ATG5: variants seen among roughly 807,000 people sequenced by gnomAD.
ATG5 encodes autophagy related 5, also known as autophagy protein 5.
ATG5 carries 14 observed loss-of-function variants against 36.5 expected under a neutral mutation model. The observed-to-expected ratio is 0.38, with a 90% confidence interval of 0.25 to 0.60. The LOEUF (loss-of-function observed/expected upper bound fraction) is 0.60. Among genes scored for constraint, ATG5 ranks in the 20% least tolerant of loss-of-function variants. ATG5 has a pLI of 0.60. For missense variants in ATG5, 195 were observed against 326.7 expected, an observed-to-expected ratio of 0.60 and a Z score of 3.11; for synonymous variants, 95 against 101.5, an observed-to-expected ratio of 0.94 and a Z score of 0.38.
At chr6:106,324,419 T>C (rs1210197239) in intron 1 of ATG5, among the ~76,000 whole-genome samples, 1 of 152,212 alleles carries the variant, frequency 6.6e-6, no homozygotes, top group African/African-American at 2.4e-5. Context: ...AGGGAGGTCC[T>C]GGAACCAATC....
Position 106,204,000 on chromosome 6 carries a change from TCTCA to T in ATG5, c.574-1915_574-1912del, listed in dbSNP as rs1273809586. Among the ~76,000 whole-genome samples, 3 of 152,204 alleles carry T rather than the reference TCTCA, an allele frequency of 2.0e-5. No individual in the cohort carries two copies. The East Asian group carries it at 5.8e-4, about 29-fold the overall frequency. The stretch of plus-strand genomic sequence containing the variant: ...GAACAGAAAACCAAACACCTCATGT[TCTCA>T]CTCACAACTGGGAGCTGAACAACGA... On this transcript the variant is annotated intron_variant, in intron 6 of 7. Transcript: ENST00000369076.
intron 5 of ATG5, among the ~76,000 whole-genome samples, chr6:106,268,551 A>G (rs1021781914): frequency 2.6e-5 from 4 of 152,234 alleles, no homozygotes; most frequent in Non-Finnish European, 4.4e-5. Context: ...ATTATAAATC[A>G]TTCTACTATA....
At chr6:106,287,003 C>T (rs1780106546) in intron 4 of ATG5, among the ~76,000 whole-genome samples, 1 of 152,198 alleles carries the variant, frequency 6.6e-6, no homozygotes, top group African/African-American at 2.4e-5. Flanking sequence ...CAGAAACTGT[C>T]AGAGAACAAA....
intron 5 of ATG5, among the ~76,000 whole-genome samples, chr6:106,266,484 C>A (rs565638890): frequency 6.7e-6 from 1 of 149,224 alleles, no homozygotes; most frequent in Admixed American, 6.6e-5. Flanking sequence ...GGGACTCCTC[C>A]CTAACTCATT....
intron 7 of ATG5, among the ~76,000 whole-genome samples, chr6:106,201,354 T>G (rs980405474): frequency 6.6e-6 from 1 of 152,060 alleles, no homozygotes; most frequent in Non-Finnish European, 1.5e-5. Context: ...AGTTTTATTG[T>G]TTTCTGCATT....
At chr6:106,203,413 G>A (rs900925330) in intron 6 of ATG5, among the ~76,000 whole-genome samples, 4 of 152,072 alleles carry the variant, frequency 2.6e-5, no homozygotes, top group Non-Finnish European at 5.9e-5. Context: ...TATCTCTTGA[G>A]TTTGTTGTGG....
At chr6:106,272,473 T>C (rs1018771689) in intron 5 of ATG5, among the ~76,000 whole-genome samples, 4 of 152,226 alleles carry the variant, frequency 2.6e-5, no homozygotes, top group Non-Finnish European at 4.4e-5. Context: ...TCTCAGAACT[T>C]AGTAGGCTCT....
intron 1 of ATG5, among the ~76,000 whole-genome samples, chr6:106,322,888 T>C (rs551273472): frequency 2.0e-4 from 30 of 152,298 alleles, no homozygotes; most frequent in African/African-American, 7.2e-4. Context: ...CGGAAAACCA[T>C]TTCAGATCTT....
At chr6:106,280,274 CAAA>C (rs71793771) in intron 4 of ATG5, among the ~76,000 whole-genome samples, 3 of 87,328 alleles carry the variant, frequency 3.4e-5, no homozygotes, top group Admixed American at 1.3e-4. Context: ...AGTATTATGT[CAAA>C]AAAAAAAAAA....
intron 1 of ATG5, among the ~76,000 whole-genome samples, chr6:106,318,190 G>A (rs1265769177): frequency 1.3e-5 from 2 of 152,128 alleles, no homozygotes; most frequent in Admixed American, 6.5e-5. Flanking sequence ...TCTCAAGGAG[G>A]AATAGTAATC....
At chr6:106,255,741 A>C (rs1778775274) in intron 5 of ATG5, among the ~76,000 whole-genome samples, 1 of 152,192 alleles carries the variant, frequency 6.6e-6, no homozygotes, top group African/African-American at 2.4e-5. Context: ...CTTATATTAA[A>C]ATTTCTAATA....
chr6:106,279,406 T>C (rs994785715), intron 5 of ATG5, among the ~76,000 whole-genome samples: 2 of 152,164 alleles, frequency 1.3e-5, no homozygotes, highest in East Asian at 1.9e-4. Flanking sequence ...TCAGAAGCTA[T>C]ACCCAAGTTT....
chr6:106,316,065 G>A, intron 2 of ATG5, 36 bp downstream of exon 2: 1 of 1,527,852 alleles, frequency 6.5e-7, no homozygotes, highest in South Asian at 1.2e-5. Context: ...AATGGACAAG[G>A]TTAAATATCC....
intron 3 of ATG5, chr6:106,304,109 G>A (rs1243218328): frequency 1.3e-5 from 2 of 152,052 alleles, no homozygotes; most frequent in Non-Finnish European, 2.9e-5. Flanking sequence ...GAACTAGTGT[G>A]TGAGTTCAGC....
intron 3 of ATG5, among the ~76,000 whole-genome samples, chr6:106,295,873 C>CT (rs928786320): frequency 2.0e-5 from 3 of 152,098 alleles, no homozygotes; most frequent in Non-Finnish European, 4.4e-5. Context: ...CCAAATAACT[C>CT]TTTAAGGAAA....
chr6:106,234,296 G>T (rs1777806781), intron 6 of ATG5, among the ~76,000 whole-genome samples: 1 of 152,140 alleles, frequency 6.6e-6, no homozygotes, highest in South Asian at 2.1e-4. Context: ...TGGGCTCCAT[G>T]AGGTCTCGGC....
chr6:106,284,889 T>C (rs374983114), intron 4 of ATG5, among the ~76,000 whole-genome samples: 1 of 152,192 alleles, frequency 6.6e-6, no homozygotes, highest in Non-Finnish European at 1.5e-5. Flanking sequence ...ATTCCGTATA[T>C]TAAACTGTTA....
chr6:106,191,495 G>A lies in ATG5; in HGVS notation c.692-4819C>T, dbSNP rs1014120921. 2.6e-5 allele frequency among the ~76,000 whole-genome samples: 4 copies of A among 152,238 alleles called. No homozygotes were observed. The East Asian group carries it at 7.7e-4, about 29-fold the overall frequency. ...TAAACAGCAAAATATTTCTTTCAGA[G>A]TGTAAACCATCATAATTTATTAGTT... On this transcript the variant is annotated intron_variant, in intron 7 of 7. Transcript: ENST00000369076.
chr6:106,230,723 T>A (rs1484393636), intron 6 of ATG5, among the ~76,000 whole-genome samples: 1 of 152,042 alleles, frequency 6.6e-6, no homozygotes, highest in Non-Finnish European at 1.5e-5. Context: ...TGGGACCAAT[T>A]TGACTCTCAG....
Sources: gnomAD v4.1 joint callset for allele counts (sites outside exome capture counted in the v4.1 genomes callset) on GRCh38, gnomAD v4.1.1 for gene constraint, MANE v1.5 for transcripts, NCBI Gene and HGNC (gene_info 2026-07-23, HGNC 2026-07-21) for gene names.